The following UNC80 variants were observed in gnomAD, a reference collection of about 807,000 sequenced individuals.
UNC80 encodes the protein protein unc-80 homolog.
A neutral mutation model predicts 384.6 loss-of-function variants in UNC80; 164 were observed. That is an observed-to-expected ratio of 0.43 (90% CI 0.38 to 0.49). UNC80 has a LOEUF of 0.49. UNC80 is among the 20% of genes least tolerant of loss of function. The probability of loss-of-function intolerance (pLI) is 0.00; values close to 1 mark genes in which losing one functional copy is unlikely to be tolerated. For synonymous variants in UNC80, 1,486 were observed against 1,527.8 expected, an observed-to-expected ratio of 0.97 and a Z score of 0.64; for missense variants, 3,330 against 4,143.0, an observed-to-expected ratio of 0.80 and a Z score of 5.39.
rs975505521 is a variant in UNC80, at chr2:209,954,281, T to C, written c.7457+11T>C. 19 of 1,470,024 alleles carry C rather than the reference T, an allele frequency of 1.3e-5. No individual in the cohort carries two copies. In the African/African-American group the frequency reaches 2.6e-4, roughly 20 times the overall value. The allele number at this position is 1,470,024 out of a possible 1,614,324, so 91.1% of individuals were successfully genotyped here. A position where few individuals can be genotyped will look rare whatever the true frequency, so the allele number is the denominator to read the frequency against. The stretch of plus-strand genomic sequence containing the variant: ...AGAGGTCCTCACCAGGTAATCCCAT[T>C]GGCAGAAATAGCTACAGCCTTACAT... On this transcript the variant is annotated intron_variant, in intron 48 of 64. Transcript: ENST00000673920.
rs544371921 is a variant in UNC80 at position 209,987,884 on chromosome 2, TAAAA to T, written c.9314+2976_9314+2979del. ...CAAAATACCAAAAAATAAAAAAAAA[TAAAA>T]AAACCTTTTTAAGTAGCTGAGAATT... is the stretch of plus-strand genomic sequence containing the variant. On this transcript the variant is annotated intron_variant, in intron 61 of 64. Transcript: ENST00000673920. 8.6e-5 allele frequency among the ~76,000 whole-genome samples: 13 copies of T among 151,884 alleles called. No individual in the cohort carries two copies. The South Asian group carries it at 2.5e-3, about 29-fold the overall frequency.
intron 58 of UNC80, among the ~76,000 whole-genome samples, chr2:209,978,107 T>C (rs2093058098): frequency 6.6e-6 from 1 of 152,204 alleles, no homozygotes; most frequent in African/African-American, 2.4e-5. Context: ...TGATTATGCA[T>C]CGCGGGGTTC....
intron 26 of UNC80, among the ~76,000 whole-genome samples, chr2:209,890,224 C>T (rs996009180): frequency 4.6e-5 from 7 of 152,008 alleles, no homozygotes; most frequent in Admixed American, 3.9e-4. Context: ...TGATAATGTC[C>T]TCTGTGGCAT....
chr2:209,963,482 G>T (rs765684564), intron 51 of UNC80, among the ~76,000 whole-genome samples: 1 of 152,172 alleles, frequency 6.6e-6, no homozygotes, highest in African/African-American at 2.4e-5. Flanking sequence ...CCATAAAATG[G>T]CTCTTAAATT....
At chr2:209,829,761 G>A (rs181769982) in intron 15 of UNC80, among the ~76,000 whole-genome samples, 17 of 152,212 alleles carry the variant, frequency 1.1e-4, no homozygotes, top group African/African-American at 1.7e-4. Flanking sequence ...TATCTATAAC[G>A]TACAGGCATT....
At chr2:209,823,929 G>A (rs1327351381) in intron 13 of UNC80, among the ~76,000 whole-genome samples, 2 of 152,078 alleles carry the variant, frequency 1.3e-5, no homozygotes, top group Non-Finnish European at 2.9e-5. Context: ...CCAACATGAA[G>A]CCACAAGTAG....
intron 7 of UNC80, among the ~76,000 whole-genome samples, chr2:209,806,128 TA>T (rs2078880716): frequency 2.0e-5 from 3 of 152,200 alleles, no homozygotes. Context: ...AAACATATCA[TA>T]AAAACCAAGA....
At chr2:209,772,185 A>C (rs2076610382) in intron 1 of UNC80, 21 bp downstream of exon 1, 1 of 1,518,454 alleles carries the variant, frequency 6.6e-7, no homozygotes, top group Non-Finnish European at 8.9e-7. Context: ...CAGAGGGCGC[A>C]CCGCGGGCCG....
chr2:209,964,830 A>C, intron 51 of UNC80, among the ~76,000 whole-genome samples: 1 of 151,746 alleles, frequency 6.6e-6, no homozygotes, highest in Non-Finnish European at 1.5e-5. Context: ...GGAAATCGAC[A>C]TATTAAAAGA....
intron 25 of UNC80, 51 bp from the exon 26 acceptor site, chr2:209,888,044 T>C: frequency 2.0e-6 from 3 of 1,535,686 alleles, no homozygotes; most frequent in Non-Finnish European, 2.6e-6. Context: ...GCGAGACCAA[T>C]GCAGTGCTGG....
At chr2:209,894,862 C>T (rs185615442) in intron 27 of UNC80, among the ~76,000 whole-genome samples, 1 of 152,250 alleles carries the variant, frequency 6.6e-6, no homozygotes, top group Non-Finnish European at 1.5e-5. Context: ...CTCTATTTAC[C>T]AGTATGAACA....
intron 13 of UNC80, among the ~76,000 whole-genome samples, chr2:209,822,303 C>G (rs560384889): frequency 6.6e-6 from 1 of 152,280 alleles, no homozygotes; most frequent in African/African-American, 2.4e-5. Flanking sequence ...TCAGATCTGA[C>G]TGTAAATGAA....
chr2:209,945,574 C>T (rs1222031173), intron 46 of UNC80, among the ~76,000 whole-genome samples: 1 of 152,156 alleles, frequency 6.6e-6, no homozygotes, highest in Admixed American at 6.5e-5. Context: ...CAACCTTAGG[C>T]AATTTAAATG....
At chr2:209,851,371 C>G (rs527431180) in intron 22 of UNC80, among the ~76,000 whole-genome samples, 41 of 152,120 alleles carry the variant, frequency 2.7e-4, no homozygotes, top group Middle Eastern at 3.4e-3. Flanking sequence ...CTCAGCTCCT[C>G]CCTGAGTAGT....
At chr2:209,891,770 C>G (rs1195566122) in intron 26 of UNC80, among the ~76,000 whole-genome samples, 1 of 152,112 alleles carries the variant, frequency 6.6e-6, no homozygotes, top group Admixed American at 6.6e-5. Context: ...TGACGAAAAT[C>G]TTCCCAAAGA....
intron 43 of UNC80, among the ~76,000 whole-genome samples, chr2:209,940,668 T>A (rs1162426072): frequency 1.3e-5 from 2 of 151,774 alleles, no homozygotes; most frequent in African/African-American, 2.4e-5. Context: ...ACAAAAAAAA[T>A]TAGCTGGGCA....
Position 209,825,973 on chromosome 2 carries a change from T to G in UNC80, c.2398T>G (p.Leu800Val). 6.4e-7 allele frequency: 1 copy of G among 1,551,008 alleles called. No individual in the cohort carries two copies. The highest frequency in any genetic ancestry group is 8.7e-7 in the Non-Finnish European group (1 of 1,146,556). ...AATGCTCATCAAAATAGTGAAGTCT[T>G]TGGGATGTGCCTATGGTTGTGGTGA... ...LTMLIKIVKS[L>V]GCAYGCGEGH... The change falls in exon 14 of 65, where the codon TTG becomes GTG. Residue 800 changes from leucine to valine, a missense_variant. By Grantham distance (32) the Leu-to-Val change is conservative. Coordinates refer to ENST00000673920, the MANE Select transcript of UNC80 (RefSeq NM_001371986.1).
intron 36 of UNC80, 62 bp downstream of exon 36, chr2:209,927,048 A>G (rs1482341381): frequency 7.2e-6 from 11 of 1,527,238 alleles, no homozygotes; most frequent in Non-Finnish European, 9.7e-6. Flanking sequence ...GATAGAAGAC[A>G]GTAGGTTGCT....
intron 25 of UNC80, among the ~76,000 whole-genome samples, chr2:209,884,379 G>A (rs992181824): frequency 6.6e-6 from 1 of 152,162 alleles, no homozygotes; most frequent in Non-Finnish European, 1.5e-5. Context: ...GTTTGTTACA[G>A]AAAACAGCAT....
Sources: allele counts gnomAD v4.1 joint callset (sites outside exome capture counted in the v4.1 genomes callset), GRCh38; gene constraint gnomAD v4.1.1; transcripts MANE v1.5; gene names NCBI Gene and HGNC (gene_info 2026-07-23, HGNC 2026-07-21).